Variants in MAX observed in about 807,000 individuals in gnomAD.
MAX encodes the protein protein max.
MAX carries 3 observed loss-of-function variants against 22.3 expected under a neutral mutation model. That is an observed-to-expected ratio of 0.13 (90% confidence interval 0.06 to 0.35). The LOEUF is 0.35. Among genes scored for constraint, MAX ranks in the 10% least tolerant of loss-of-function variants. MAX has a pLI of 1.00. For synonymous variants in MAX, 72 were observed against 77.7 expected, an observed-to-expected ratio of 0.93 and a Z score of 0.39; for missense variants, 119 against 209.4, an observed-to-expected ratio of 0.57 and a Z score of 2.66.
At chr14:65,060,111 G>C (rs1040064370) in intron 3 of MAX, among the ~76,000 whole-genome samples, 1 of 151,494 alleles carries the variant, frequency 6.6e-6, no homozygotes, top group African/African-American at 2.4e-5. Context: ...GGGATTACAG[G>C]CATGAGCCAC....
In MAX at chr14:65,077,532, TC is replaced by T; in HGVS notation, c.295+380del. ...CATTGACAATGGGGAGGGCTCACTG[TC>T]CCTGAACACCTGGAGTCTCTGGTAC... On this transcript the variant is annotated intron_variant, in intron 4 of 4. Transcript: ENST00000358664. This position sits in a 1 kb window ranked among gnomAD's most constrained non-coding sequence, Gnocchi z 6.3. 1 of 948,470 alleles carries T rather than the reference TC, an allele frequency of 1.1e-6. No homozygotes were observed. Among genetic ancestry groups the T allele is most frequent in the East Asian group, 2.4e-5 (1 of 41,890 alleles). 58.8% of individuals were successfully genotyped at this position (948,470 alleles called of 1,614,324 possible). A position where few individuals can be genotyped will look rare whatever the true frequency, so the allele number is the denominator to read the frequency against.
At chr14:65,043,587 C>T (rs1324790840) in intron 3 of MAX, among the ~76,000 whole-genome samples, 3 of 151,954 alleles carry the variant, frequency 2.0e-5, no homozygotes, top group Non-Finnish European at 4.4e-5. Flanking sequence ...CTTTGGGAGG[C>T]CGAGGCGGGT....
intron 3 of MAX, chr14:65,061,296 A>C (rs2062861012): frequency 6.2e-7 from 1 of 1,614,008 alleles, no homozygotes; most frequent in Non-Finnish European, 8.5e-7. Context: ...ACATCGGCAG[A>C]GCCTGCAACC....
chr14:65,048,057 G>A (rs1373868090), intron 3 of MAX, among the ~76,000 whole-genome samples: 5 of 145,494 alleles, frequency 3.4e-5, no homozygotes, highest in Non-Finnish European at 7.5e-5. Flanking sequence ...GTGCAATCTC[G>A]GCTCACTGTA....
intron 1 of MAX, among the ~76,000 whole-genome samples, chr14:65,101,899 C>G (rs1187593591): frequency 6.6e-6 from 1 of 152,206 alleles, no homozygotes; most frequent in Admixed American, 6.5e-5. Context: ...CCCCCAGGAT[C>G]CGCGGGTCAC....
intron 1 of MAX, 85 bp downstream of exon 1, chr14:65,102,219 C>A: frequency 1.3e-6 from 2 of 1,587,606 alleles, no homozygotes; most frequent in Non-Finnish European, 1.7e-6. Flanking sequence ...CAGCCCGGCC[C>A]CCTCCCGCCG....
chr14:65,031,914 C>A lies in MAX; in HGVS notation c.172-25630G>T, dbSNP rs542728353. The stretch of plus-strand genomic sequence containing the variant: ...CTAGCCTGGGCGACAGAGTGAGACC[C>A]TGTCTCAATAAAAACCAAAACAAAA... On this transcript the variant is annotated intron_variant, in intron 3 of 3. Coordinates refer to the MAX transcript ENST00000341653. This position sits in a 1 kb window ranked among gnomAD's most constrained non-coding sequence, Gnocchi z 4.6. 6.6e-6 allele frequency among the ~76,000 whole-genome samples: 1 copy of A among 152,054 alleles called. No homozygotes were observed. The highest frequency in any genetic ancestry group is 2.4e-5 in the African/African-American group (1 of 41,502).
chr14:65,030,586 T>TA lies in MAX; in HGVS notation c.172-24303dup, dbSNP rs2062061062. ...AGACCCTGTCTCTACAAAAAATTTT[T>TA]AAAAAATTAGCCAGGTGTGGTGGCA... On this transcript the variant is annotated intron_variant, in intron 3 of 3. Coordinates refer to the MAX transcript ENST00000341653. The surrounding 1 kb of genome is among the most constrained non-coding windows in gnomAD (Gnocchi z 4.5). Among the ~76,000 whole-genome samples, 2 of 151,954 alleles carry TA rather than the reference T, an allele frequency of 1.3e-5. No homozygotes were observed. Among genetic ancestry groups the TA allele is most frequent in the Non-Finnish European group, 2.9e-5 (2 of 67,986 alleles).
chr14:65,065,266 A>T (rs562796828), intron 3 of MAX, among the ~76,000 whole-genome samples: 1 of 152,294 alleles, frequency 6.6e-6, no homozygotes, highest in Non-Finnish European at 1.5e-5. Flanking sequence ...AGACTGAGAA[A>T]CATGGCCCTG....
intron 3 of MAX, chr14:65,015,715 G>T (rs368832309): frequency 6.8e-6 from 11 of 1,613,876 alleles, no homozygotes; most frequent in Non-Finnish European, 9.3e-6. Context: ...AGTGGCTACA[G>T]AGTGAGTCTG....
rs544693622 is a variant in MAX, at chr14:65,036,835, G to A, written c.172-30551C>T. Among the ~76,000 whole-genome samples the A allele has an allele frequency of 1.1e-4, 16 of 151,644 alleles. 1 individual carries two copies. In the South Asian group the frequency reaches 2.1e-3, roughly 20 times the overall value. ...GTATTTTTAGTAGAGACAGGGTCTC[G>A]TCATACTGGCCAGGCTGGTCTCAAA... On this transcript the variant is annotated intron_variant, in intron 3 of 3. Coordinates refer to the MAX transcript ENST00000341653.
chr14:65,034,097 TTGTC>T (rs552371758), intron 3 of MAX, among the ~76,000 whole-genome samples: 1 of 152,168 alleles, frequency 6.6e-6, no homozygotes, highest in Non-Finnish European at 1.5e-5. Context: ...CCTTCCCAAA[TTGTC>T]TGTCAGAGCT....
At chr14:65,092,884 G>T (rs1304079604) in intron 3 of MAX, among the ~76,000 whole-genome samples, 1 of 152,142 alleles carries the variant, frequency 6.6e-6, no homozygotes, top group Non-Finnish European at 1.5e-5. Context: ...TAAAACACTG[G>T]ATCACTAAAG....
intron 2 of MAX, chr14:65,094,129 C>T (rs944150249): frequency 1.3e-5 from 5 of 376,934 alleles, no homozygotes; most frequent in African/African-American, 8.3e-5. Flanking sequence ...CCCCAACTTG[C>T]TTATGTGACA....
chr14:65,056,076 C>T (rs939599381), intron 3 of MAX, among the ~76,000 whole-genome samples: 2 of 152,146 alleles, frequency 1.3e-5, no homozygotes, highest in African/African-American at 4.8e-5. Flanking sequence ...TTGCTACATA[C>T]ATATGTATCT....
chr14:65,033,653 C>T (rs931000527), intron 3 of MAX, among the ~76,000 whole-genome samples: 7 of 152,146 alleles, frequency 4.6e-5, no homozygotes, highest in Admixed American at 2.0e-4. Context: ...GTCAGGAAAT[C>T]GAGACCATCC....
chr14:65,066,357 G>A (rs756018123), intron 3 of MAX, among the ~76,000 whole-genome samples: 1 of 152,204 alleles, frequency 6.6e-6, no homozygotes, highest in Non-Finnish European at 1.5e-5. Context: ...CTTTCCTGCA[G>A]TAACCCTCCT....
rs2063268057 is a variant in MAX, at chr14:65,084,217, C to G, written c.172-6181G>C. The G allele has an allele frequency of 6.2e-7, 1 of 1,613,988 alleles. No homozygotes were observed. Among genetic ancestry groups the G allele is most frequent in the African/African-American group, 1.3e-5 (1 of 74,978 alleles). ...TTCTTTTTTCTTGTGCACTTGGTAG[C>G]TTGAAATGAAGGTGTGGCATTTCTG... On this transcript the variant is annotated intron_variant, in intron 3 of 4. Transcript: ENST00000358664. The surrounding 1 kb of genome is among the most constrained non-coding windows in gnomAD (Gnocchi z 4.3).
intron 3 of MAX, among the ~76,000 whole-genome samples, chr14:65,048,657 A>T (rs2139659432): frequency 6.6e-6 from 1 of 152,306 alleles, no homozygotes; most frequent in African/African-American, 2.4e-5. Flanking sequence ...GTTCAAGACC[A>T]GCCTGGGCAA....
Sources: gnomAD v4.1 joint callset for allele counts (sites outside exome capture counted in the v4.1 genomes callset) on GRCh38, gnomAD v4.1.1 for gene constraint, Gnocchi (gnomAD v3.1) non-coding constraint, MANE v1.5 for transcripts, NCBI Gene and HGNC (gene_info 2026-07-23, HGNC 2026-07-21) for gene names.